Variants in MDGA2 observed in about 807,000 individuals in gnomAD.
MDGA2 encodes MAM domain-containing glycosylphosphatidylinositol anchor protein 2.
A neutral mutation model predicts 117.8 loss-of-function variants in MDGA2; 40 were observed. That is an observed-to-expected ratio of 0.34 (90% CI 0.26 to 0.44). MDGA2 has a LOEUF of 0.44. Ranked by LOEUF, MDGA2 falls within the 20% of genes least tolerant of loss-of-function variation. The pLI, the probability that MDGA2 is intolerant of heterozygous loss-of-function variation, is 1.00. For synonymous variants in MDGA2, 452 were observed against 439.0 expected, an observed-to-expected ratio of 1.03 and a Z score of -0.37; for missense variants, 1,123 against 1,250.6, an observed-to-expected ratio of 0.90 and a Z score of 1.54.
chr14:47,223,724 T>C (rs12887499), intron 2 of MDGA2, among the ~76,000 whole-genome samples: 1 of 152,156 alleles, frequency 6.6e-6, no homozygotes, highest in Non-Finnish European at 1.5e-5. Context: ...TATGCTATTG[T>C]ATTAGTCCGT....
chr14:47,430,538 A>G (rs1186380074), intron 1 of MDGA2, among the ~76,000 whole-genome samples: 2 of 152,062 alleles, frequency 1.3e-5, no homozygotes, highest in African/African-American at 4.8e-5. Flanking sequence ...AATTTTAAAT[A>G]CCTAAATAAA....
chr14:47,330,365 C>T (rs1422199506), intron 1 of MDGA2, among the ~76,000 whole-genome samples: 1 of 151,790 alleles, frequency 6.6e-6, no homozygotes, highest in Non-Finnish European at 1.5e-5. Context: ...TGCTATGTGT[C>T]TGTGCTTTAA....
At chr14:46,944,762 T>C (rs1885114861) in intron 9 of MDGA2, among the ~76,000 whole-genome samples, 1 of 152,010 alleles carries the variant, frequency 6.6e-6, no homozygotes, top group Admixed American at 6.6e-5. Flanking sequence ...ATTGTGCAGT[T>C]TTAGTTGTTC....
At chr14:47,623,045 T>C (rs1897078591) in intron 1 of MDGA2, among the ~76,000 whole-genome samples, 1 of 152,194 alleles carries the variant, frequency 6.6e-6, no homozygotes, top group Non-Finnish European at 1.5e-5. Flanking sequence ...GAAGTGGGAC[T>C]ATTCAGAGGC....
At chr14:47,138,566 A>C (rs1882566830) in intron 4 of MDGA2, among the ~76,000 whole-genome samples, 1 of 152,150 alleles carries the variant, frequency 6.6e-6, no homozygotes. Flanking sequence ...TTTTTAACAA[A>C]AGAAATAAAA....
chr14:47,353,634 C>G (rs921070301), intron 1 of MDGA2, among the ~76,000 whole-genome samples: 80 of 152,102 alleles, frequency 5.3e-4, no homozygotes, highest in African/African-American at 1.6e-3. Context: ...CTGAGTAGAC[C>G]AATAACAACA....
intron 3 of MDGA2, among the ~76,000 whole-genome samples, chr14:47,175,297 T>C (rs1205569338): frequency 1.3e-5 from 2 of 151,874 alleles, no homozygotes; most frequent in Non-Finnish European, 2.9e-5. Flanking sequence ...TAACTCATTT[T>C]ATGAGGCCAG....
At chr14:47,435,826 T>C (rs1358888953) in intron 1 of MDGA2, among the ~76,000 whole-genome samples, 1 of 152,150 alleles carries the variant, frequency 6.6e-6, no homozygotes, top group Non-Finnish European at 1.5e-5. Flanking sequence ...CTGGACTTTA[T>C]GCTTCTGGGC....
chr14:47,371,558 G>T (rs889297390), intron 1 of MDGA2, among the ~76,000 whole-genome samples: 1 of 151,738 alleles, frequency 6.6e-6, no homozygotes, highest in Middle Eastern at 3.2e-3. Context: ...ATAGTTTGAG[G>T]ATGGTAAGGC....
At chr14:47,080,664 G>A (rs916247548) in intron 6 of MDGA2, among the ~76,000 whole-genome samples, 3 of 152,110 alleles carry the variant, frequency 2.0e-5, no homozygotes, top group African/African-American at 7.2e-5. Flanking sequence ...AAGTATAAAT[G>A]CCCAAAGTGA....
In MDGA2 at chr14:47,584,610, A is replaced by G. The variant is rs574144688; in HGVS notation, c.280+89907T>C. 2.8e-4 allele frequency among the ~76,000 whole-genome samples: 42 copies of G among 151,876 alleles called. 1 individual carries two copies. The highest frequency in any genetic ancestry group is 9.4e-4 in the African/African-American group (39 of 41,502). On this transcript the variant is annotated intron_variant, in intron 1 of 16. Transcript: ENST00000399232. ...CAGAAATTTAGAGCCTCCTGCCTGG[A>G]TTATCACAAAATCTCCTAAATCTCC...
At chr14:47,443,121 G>A (rs1052823821) in intron 1 of MDGA2, among the ~76,000 whole-genome samples, 12 of 152,118 alleles carry the variant, frequency 7.9e-5, no homozygotes, top group African/African-American at 2.9e-4. Flanking sequence ...CTTAAGGAAA[G>A]CAAAAAATTG....
intron 7 of MDGA2, among the ~76,000 whole-genome samples, chr14:47,047,382 GA>G (rs1889302350): frequency 6.6e-6 from 1 of 152,018 alleles, no homozygotes; most frequent in African/African-American, 2.4e-5. Flanking sequence ...AATGAGTAAT[GA>G]AAAAATGGCA....
intron 2 of MDGA2, 71 bp downstream of exon 2, chr14:47,301,339 TA>T: frequency 6.7e-7 from 1 of 1,495,142 alleles, no homozygotes; most frequent in Non-Finnish European, 9.0e-7. Context: ...CTAAATATTC[TA>T]AAATATACAC....
chr14:46,843,742 T>C (rs1880709348), intron 16 of MDGA2, among the ~76,000 whole-genome samples: 1 of 152,176 alleles, frequency 6.6e-6, no homozygotes, highest in Admixed American at 6.5e-5. Flanking sequence ...CATTCAACTT[T>C]CAACATCTAG....
chr14:47,597,973 C>A (rs2078943485), intron 1 of MDGA2, among the ~76,000 whole-genome samples: 2 of 151,646 alleles, frequency 1.3e-5, no homozygotes, highest in Non-Finnish European at 2.9e-5. Flanking sequence ...GCGTATAAAC[C>A]TTTACAAGTA....
intron 15 of MDGA2, 88 bp downstream of exon 15, chr14:46,854,936 A>G: frequency 8.3e-7 from 1 of 1,198,150 alleles, no homozygotes. Context: ...GGAATTTCTG[A>G]ATATTCATAT....
At chr14:46,934,659 T>C (rs565686046) in intron 9 of MDGA2, among the ~76,000 whole-genome samples, 15 of 152,276 alleles carry the variant, frequency 9.9e-5, no homozygotes, top group Admixed American at 3.9e-4. Context: ...AGAGGTTCTG[T>C]GTCTACCTTC....
At chr14:47,667,427 CAG>C (rs1897995607) in intron 1 of MDGA2, among the ~76,000 whole-genome samples, 1 of 152,206 alleles carries the variant, frequency 6.6e-6, no homozygotes, top group African/African-American at 2.4e-5. Flanking sequence ...TAATCTGGTT[CAG>C]AGTGACCACA....
Sources: gnomAD v4.1 joint callset for allele counts (sites outside exome capture counted in the v4.1 genomes callset) on GRCh38, gnomAD v4.1.1 for gene constraint, MANE v1.5 for transcripts, NCBI Gene and HGNC (gene_info 2026-07-23, HGNC 2026-07-21) for gene names.